PODNL1: variants seen among roughly 807,000 people sequenced by gnomAD.
The protein encoded by PODNL1 is podocan like 1.
PODNL1 carries 50 observed loss-of-function variants against 45.1 expected under a neutral mutation model. The observed-to-expected ratio is 1.11, with a 90% CI of 0.88 to 1.40. The LOEUF (loss-of-function observed/expected upper bound fraction) is 1.40. Among genes scored for constraint, PODNL1 ranks in the 40% most tolerant of loss-of-function variants. The pLI, the probability that PODNL1 is intolerant of heterozygous loss-of-function variation, is 0.00. For synonymous variants in PODNL1, 406 were observed against 372.5 expected (o/e 1.09, Z -1.04); for missense variants, 788 against 793.3 (o/e 0.99, Z 0.08).
intron 1 of PODNL1, among the ~76,000 whole-genome samples, chr19:13,943,573 T>C (rs549236290): frequency 2.4e-4 from 37 of 152,270 alleles, no homozygotes; most frequent in African/African-American, 8.9e-4. Context: ...GCCATTCTCC[T>C]GCCTCAGCCT....
chr19:13,934,732 ATG>A (rs1039493326), intron 5 of PODNL1, among the ~76,000 whole-genome samples: 4 of 151,160 alleles, frequency 2.6e-5, no homozygotes, highest in African/African-American at 4.9e-5. Flanking sequence ...GTGGGCGTGC[ATG>A]TGTGTATGTA....
At chr19:13,952,060 G>A (rs1209763954) in intron 1 of PODNL1, among the ~76,000 whole-genome samples, 1 of 152,206 alleles carries the variant, frequency 6.6e-6, no homozygotes, top group African/African-American at 2.4e-5. Flanking sequence ...TGCCGCCCAA[G>A]TATGCTCGTC....
In PODNL1 at chr19:13,932,894, G is replaced by T. The variant is rs776754059; in HGVS notation, c.1329C>A (p.Ala443=). The change falls in exon 8 of 10, where the codon GCC becomes GCA. Residue 443 remains alanine, a synonymous_variant. Coordinates refer to ENST00000588872, the MANE Select transcript of PODNL1 (RefSeq NM_001370095.3). The part of the protein sequence containing the change: ...QLRMLEPEPL[A]GLDQLRELSL... Reference sequence around the variant, plus strand: ...TGAGCTCCCGCAGTTGGTCCAGGCCGGCCAGAGGCTCGGGCTCGAGCATCC... The same window carrying T: ...TGAGCTCCCGCAGTTGGTCCAGGCCTGCCAGAGGCTCGGGCTCGAGCATCC... 2.5e-5 allele frequency: 40 copies of T among 1,602,662 alleles called. No homozygotes were observed. Among genetic ancestry groups the T allele is most frequent in the Non-Finnish European group, 3.4e-5 (40 of 1,175,466 alleles).
At chr19:13,938,749 C>T (rs1339762162), upstream of PODNL1, among the ~76,000 whole-genome samples, 1 of 151,988 alleles carries the variant, frequency 6.6e-6, no homozygotes, top group Non-Finnish European at 1.5e-5. Flanking sequence ...TCCAGACACC[C>T]GCCCCCTCCT....
At chr19:13,950,089 C>G (rs1041267080) in intron 1 of PODNL1, among the ~76,000 whole-genome samples, 7 of 143,456 alleles carry the variant, frequency 4.9e-5, no homozygotes, top group Non-Finnish European at 1.1e-4. Flanking sequence ...AGGATGGTCT[C>G]AGTCTCATGA....
At position 13,937,943 on chromosome 19, in the gene PODNL1, C is replaced by G. The variant is rs748001503; in HGVS notation, c.67G>C (p.Ala23Pro). Reference protein sequence around the residue: ...GPPPVAGLEDAAFPHLGESLQ... With the variant: ...GPPPVAGLEDPAFPHLGESLQ... ...CTCTCCCCCAGGTGGGGGAAGGCAG[C>G]GTCTTCCAAGCCGGCGACGGGCGGG... Residue 23 changes from alanine to proline, a missense_variant, in exon 2 of 10, where the codon GCT (alanine) becomes CCT (proline). By Grantham distance (27) the Ala-to-Pro change is conservative. Coordinates refer to ENST00000588872, the MANE Select transcript of PODNL1 (RefSeq NM_001370095.3). 4.5e-6 allele frequency: 7 copies of G among 1,547,624 alleles called. No homozygotes were observed. In the Admixed American group the frequency reaches 9.8e-5, roughly 22 times the overall value.
At chr19:13,936,090 G>A (rs760301573) in intron 3 of PODNL1, 46 bp from the exon 4 acceptor site, 2 of 1,489,814 alleles carry the variant, frequency 1.3e-6, no homozygotes, top group Middle Eastern at 2.4e-4. Flanking sequence ...CCTGTCTTGG[G>A]TGGAGGGGGA....
intron 8 of PODNL1, chr19:13,932,506 C>T: frequency 1.4e-6 from 1 of 696,052 alleles, no homozygotes; most frequent in Non-Finnish European, 2.3e-6. Context: ...GGACTACAGG[C>T]ATGTGCCACC....
At chr19:13,940,648 C>T (rs1436664249), upstream of PODNL1, among the ~76,000 whole-genome samples, 4 of 150,792 alleles carry the variant, frequency 2.7e-5, no homozygotes, top group Non-Finnish European at 4.4e-5. Context: ...TTTGGGAGGC[C>T]GAGGTGGGCA....
upstream of PODNL1, chr19:13,938,575 A>T: frequency 7.4e-5 from 36 of 485,210 alleles, no homozygotes; most frequent in Non-Finnish European, 8.5e-5. Flanking sequence ...GGATGGAGGG[A>T]TGGGGGGAGC....
At chr19:13,938,501 T>A (rs1055036221), upstream of PODNL1, 2 of 1,183,322 alleles carry the variant, frequency 1.7e-6, no homozygotes, top group African/African-American at 3.1e-5. Context: ...GAACAAGGAA[T>A]GTTTGGGGAA....
chr19:13,953,129 C>T, exon 1 of PODNL1: 1 of 1,548,974 alleles, frequency 6.5e-7, no homozygotes, highest in Non-Finnish European at 8.7e-7. Context: ...CTGGGTGGGC[C>T]TCCCCATTGA....
Position 13,933,574 on chromosome 19 carries a change from G to T in PODNL1, c.768-119C>A. ...ATTTAAGCTGGAGATTTTGACTTGG[G>T]AGTGATGCGTGGAGAGAGCTGGGTG... On this transcript the variant is annotated intron_variant, in intron 7 of 9. Coordinates refer to ENST00000588872, the MANE Select transcript of PODNL1 (RefSeq NM_001370095.3). The surrounding 1 kb of genome is among the most constrained non-coding windows in gnomAD (Gnocchi z 5.2). 1 of 1,154,956 alleles carries T rather than the reference G, an allele frequency of 8.7e-7. No homozygotes were observed. The highest frequency in any genetic ancestry group is 1.2e-6 in the Non-Finnish European group (1 of 837,656). The allele number at this position is 1,154,956 out of a possible 1,614,324, so 71.5% of individuals were successfully genotyped here. A position where few individuals can be genotyped will look rare whatever the true frequency, so the allele number is the denominator to read the frequency against.
chr19:13,937,481 C>A (rs952989806), intron 2 of PODNL1, among the ~76,000 whole-genome samples: 2 of 150,698 alleles, frequency 1.3e-5, no homozygotes, highest in African/African-American at 2.4e-5. Flanking sequence ...CCACAACATC[C>A]CCATAACCCC....
upstream of PODNL1, among the ~76,000 whole-genome samples, chr19:13,939,011 G>GT (rs1342607125): frequency 6.6e-6 from 1 of 152,130 alleles, no homozygotes; most frequent in Non-Finnish European, 1.5e-5. Context: ...TTTGGCACCC[G>GT]TGGATGGGGG....
intron 6 of PODNL1, 83 bp from the exon 7 acceptor site, chr19:13,934,076 A>G: frequency 1.4e-6 from 2 of 1,408,872 alleles, no homozygotes; most frequent in Admixed American, 4.0e-5. Context: ...TAAGGGAGTG[A>G]CGAGGAGCTT....
chr19:13,936,065 T>C, intron 3 of PODNL1, 21 bp from the exon 4 acceptor site: 1 of 1,545,580 alleles, frequency 6.5e-7, no homozygotes, highest in Non-Finnish European at 8.7e-7. Context: ...AGGGGGGCAG[T>C]GAAGGGACCC....
At position 13,933,027 on chromosome 19, in the gene PODNL1, C is replaced by T. The variant is rs556399747; in HGVS notation, c.1196G>A (p.Arg399Gln). 241 of 1,538,386 alleles carry T rather than the reference C, an allele frequency of 1.6e-4. 1 individual carries two copies. The South Asian group carries it at 2.6e-3, about 16-fold the overall frequency. ...GTCGAGGCTGCGCAGGGCACGCAACCGGCGGAAGGCCCGGTGGTGCACACG... is the reference window on the plus strand; with the variant it reads ...GTCGAGGCTGCGCAGGGCACGCAACTGGCGGAAGGCCCGGTGGTGCACACG... ...SARVHHRAFR[R>Q]LRALRSLDLA... The change falls in exon 8 of 10, where the codon CGG becomes CAG. Residue 399 changes from arginine to glutamine, a missense_variant. Around this residue, in one of 3 missense-constraint regions of PODNL1, gnomAD observed 762 missense variants for 750.9 expected, o/e 1.01. Coordinates refer to ENST00000588872, the MANE Select transcript of PODNL1 (RefSeq NM_001370095.3). The surrounding 1 kb of genome is among the most constrained non-coding windows in gnomAD (Gnocchi z 5.2).
Position 13,933,864 on chromosome 19 carries a change from C to A in PODNL1, c.767+14G>T. On this transcript the variant is annotated intron_variant, in intron 7 of 9. Transcript: ENST00000588872. The surrounding 1 kb of genome is among the most constrained non-coding windows in gnomAD (Gnocchi z 5.2). ...TAAATTCTCAGCCCCTGCTGCCCCC[C>A]AACCAGCCTGTACCTGAAGGTGGTG... is the stretch of plus-strand genomic sequence containing the variant. The A allele has an allele frequency of 6.3e-7, 1 of 1,582,414 alleles. No homozygotes were observed. The highest frequency in any genetic ancestry group is 8.6e-7 in the Non-Finnish European group (1 of 1,164,270).
Sources: allele counts gnomAD v4.1 joint callset (sites outside exome capture counted in the v4.1 genomes callset), GRCh38; gene constraint gnomAD v4.1.1; regional missense constraint gnomAD v4.1.1; non-coding constraint Gnocchi (gnomAD v3.1); transcripts MANE v1.5; gene names NCBI Gene and HGNC (gene_info 2026-07-23, HGNC 2026-07-21).